CGAS: variants seen among roughly 807,000 people sequenced by gnomAD.
CGAS encodes 2'3'-cGAMP synthase.
A neutral mutation model predicts 34.0 loss-of-function variants in CGAS; 31 were observed. The observed-to-expected ratio is 0.91, with a 90% CI of 0.69 to 1.23. The LOEUF (loss-of-function observed/expected upper bound fraction) is 1.23, where lower values mean the gene tolerates loss of function less well. CGAS is among the 50% of genes most tolerant of loss of function. CGAS has a pLI of 0.00. For missense variants in CGAS, 597 were observed against 657.6 expected (o/e 0.91, Z 1.01); for synonymous variants, 266 against 260.0 (o/e 1.02, Z -0.22).
intron 3 of CGAS, among the ~76,000 whole-genome samples, chr6:73,431,002 T>G (rs1326725203): frequency 6.6e-6 from 1 of 152,104 alleles, no homozygotes; most frequent in East Asian, 1.9e-4. Context: ...CTCAGGAGGC[T>G]GAGGCAGGGG....
At chr6:73,429,791 A>C (rs902143897) in intron 3 of CGAS, among the ~76,000 whole-genome samples, 2 of 151,712 alleles carry the variant, frequency 1.3e-5, no homozygotes, top group Non-Finnish European at 2.9e-5. Flanking sequence ...GCGCCACTGC[A>C]CTCCAGCCTG....
At position 73,440,305 on chromosome 6, in the gene CGAS, T is replaced by A. The variant is rs372107956; in HGVS notation, c.1018A>T (p.Ile340Phe). Residue 340 changes from isoleucine (I) to phenylalanine (F), a missense_variant, in exon 3 of 5, where the codon ATT becomes TTT. This residue lies in a region of CGAS where 271 missense variants were observed against 324.1 expected (regional missense o/e 0.84). Transcript: ENST00000370315. Reference protein sequence around the residue: ...WPASTQEGLRIQNWLSAKVRK... With the variant: ...WPASTQEGLRFQNWLSAKVRK... ...ACTTTTGCTGAAAGCCAGTTTTGAA[T>A]GCGCAGGCCTTCTTGGGTGCTAGCA... The A allele has an allele frequency of 6.2e-7, 1 of 1,614,114 alleles. No individual in the cohort carries two copies.
chr6:73,432,929 C>T (rs1770218398), intron 3 of CGAS, among the ~76,000 whole-genome samples: 1 of 151,976 alleles, frequency 6.6e-6, no homozygotes, highest in Non-Finnish European at 1.5e-5. Flanking sequence ...ACTAAAAATA[C>T]AAAAACTAGC....
chr6:73,426,704 C>T (rs311677), intron 4 of CGAS, among the ~76,000 whole-genome samples: 133,237 of 151,906 alleles, frequency 0.88, 58,559 homozygotes, highest in East Asian at 0.95. Flanking sequence ...TTTTTCTTTT[C>T]TAAAATCCAC....
chr6:73,434,568 A>G (rs1770248017), intron 3 of CGAS, among the ~76,000 whole-genome samples: 1 of 152,222 alleles, frequency 6.6e-6, no homozygotes, highest in Non-Finnish European at 1.5e-5. Context: ...GAGACATGAC[A>G]ACTAAATGCA....
At chr6:73,440,826 C>T (rs529462761) in intron 2 of CGAS, among the ~76,000 whole-genome samples, 1 of 151,852 alleles carries the variant, frequency 6.6e-6, no homozygotes, top group South Asian at 2.1e-4. Flanking sequence ...CACTTGAACC[C>T]AGGAGGCGGA....
intron 2 of CGAS, among the ~76,000 whole-genome samples, chr6:73,441,999 A>C (rs1272290389): frequency 6.6e-6 from 1 of 152,048 alleles, no homozygotes; most frequent in African/African-American, 2.4e-5. Context: ...CAACCTCCTG[A>C]GTCGCTGGGA....
Position 73,425,365 on chromosome 6 carries a change from T to A in CGAS, c.1431A>T (p.Thr477=), listed in dbSNP as rs1430672906. The A allele has an allele frequency of 6.2e-7, 1 of 1,612,028 alleles. No homozygotes were observed. Among genetic ancestry groups the A allele is most frequent in the Admixed American group, 1.7e-5 (1 of 59,170 alleles). ...CVTYFLQCLR[T]EKLENYFIPE... The stretch of plus-strand genomic sequence containing the variant: ...GAATAAAATAATTCTCAAGTTTTTC[T>A]GTCCTGAGGCACTGAAGAAAGTATG... The change falls in exon 5 of 5, where the codon ACA becomes ACT. Residue 477 remains threonine, a synonymous_variant. Coordinates refer to ENST00000370315, the MANE Select transcript of CGAS (RefSeq NM_138441.3).
chr6:73,437,409 T>C (rs1770297540), intron 3 of CGAS, among the ~76,000 whole-genome samples: 1 of 152,134 alleles, frequency 6.6e-6, no homozygotes, highest in African/African-American at 2.4e-5. Flanking sequence ...TTAATTTACC[T>C]ATGTTGAGTT....
At chr6:73,426,349 G>GAAATGAAATGATAAA (rs1554237174) in intron 4 of CGAS, among the ~76,000 whole-genome samples, 25,724 of 148,386 alleles carry the variant, frequency 0.17, 2,374 homozygotes, top group Admixed American at 0.22. Context: ...GAAATGAAAT[G>GAAATGAAATGATAAA]ATAAAATAAA....
At chr6:73,445,437 C>T in intron 2 of CGAS, 91 bp downstream of exon 2, 2 of 858,300 alleles carry the variant, frequency 2.3e-6, no homozygotes, top group Non-Finnish European at 3.6e-6. Flanking sequence ...TTTCTTACTG[C>T]AGAGAGGTCA....
At chr6:73,448,969 A>G (rs1396562150) in intron 1 of CGAS, among the ~76,000 whole-genome samples, 3 of 151,864 alleles carry the variant, frequency 2.0e-5, no homozygotes, top group African/African-American at 4.8e-5. Flanking sequence ...CCCGCCTGTA[A>G]TCCCAGTTAC....
rs201923652 is a variant in CGAS, at chr6:73,436,438, CATATA to C, written c.1114+3766_1114+3770del. ...TATGTATAATTTATATGTAATATGT[CATATA>C]ATATAAAACATTGTATATAATTTAT... On this transcript the variant is annotated intron_variant, in intron 3 of 4. Coordinates refer to ENST00000370315, the MANE Select transcript of CGAS (RefSeq NM_138441.3). Among the ~76,000 whole-genome samples the C allele has an allele frequency of 2.7e-4, 27 of 98,374 alleles. No homozygotes were observed. The East Asian group carries it at 7.5e-3, about 27-fold the overall frequency. The allele number at this position is 98,374 out of a possible 152,430, so 64.5% of individuals were successfully genotyped here. A position where few individuals can be genotyped will look rare whatever the true frequency, so the allele number is the denominator to read the frequency against.
chr6:73,442,862 G>A (rs1035497066), intron 2 of CGAS, among the ~76,000 whole-genome samples: 1 of 152,016 alleles, frequency 6.6e-6, no homozygotes, highest in Non-Finnish European at 1.5e-5. Flanking sequence ...CTCCCAAAGT[G>A]CTGGGATTAC....
chr6:73,426,549 C>T (rs568022388), intron 4 of CGAS, among the ~76,000 whole-genome samples: 5 of 149,516 alleles, frequency 3.3e-5, no homozygotes, highest in Middle Eastern at 3.4e-3. Flanking sequence ...GACAGGGTCT[C>T]ACTCTGTCAC....
At chr6:73,442,473 T>G (rs1361214650) in intron 2 of CGAS, among the ~76,000 whole-genome samples, 1 of 151,082 alleles carries the variant, frequency 6.6e-6, no homozygotes, top group Non-Finnish European at 1.5e-5. Context: ...TGAACATGGC[T>G]CACTGCAGCC....
chr6:73,427,817 A>C (rs1346147992), intron 4 of CGAS, among the ~76,000 whole-genome samples: 1 of 151,942 alleles, frequency 6.6e-6, no homozygotes, highest in African/African-American at 2.4e-5. Flanking sequence ...CTACCAATAA[A>C]AAAAATTTTT....
intron 3 of CGAS, among the ~76,000 whole-genome samples, chr6:73,437,266 A>C (rs1158626727): frequency 3.9e-5 from 6 of 152,034 alleles, no homozygotes; most frequent in Non-Finnish European, 8.8e-5. Context: ...CATGAACAGA[A>C]GATGTTTCTC....
intron 3 of CGAS, among the ~76,000 whole-genome samples, chr6:73,433,262 TG>T (rs1353131523): frequency 3.3e-5 from 5 of 151,160 alleles, no homozygotes; most frequent in Non-Finnish European, 7.4e-5. Context: ...CTCTCTCCCA[TG>T]TTTTTTTTTT....
Sources: gnomAD v4.1 joint callset for allele counts (sites outside exome capture counted in the v4.1 genomes callset) on GRCh38, gnomAD v4.1.1 for gene constraint, gnomAD v4.1.1 regional missense constraint, MANE v1.5 for transcripts, NCBI Gene and HGNC (gene_info 2026-07-23, HGNC 2026-07-21) for gene names.